Variants in GPC6 observed in about 807,000 individuals in gnomAD.
GPC6 encodes the protein glypican-6.
GPC6 carries 14 observed loss-of-function variants against 55.2 expected under a neutral mutation model. The observed-to-expected ratio is 0.25, with a 90% CI of 0.17 to 0.40. The LOEUF (loss-of-function observed/expected upper bound fraction) is 0.40. Ranked by LOEUF, GPC6 falls within the 10% of genes least tolerant of loss-of-function variation. The pLI, the probability that GPC6 is intolerant of heterozygous loss-of-function variation, is 1.00. For synonymous variants in GPC6, 278 were observed against 259.6 expected (o/e 1.07, Z -0.68); for missense variants, 641 against 708.5 (o/e 0.90, Z 1.08).
At chr13:93,250,199 A>G (rs1876737631) in intron 1 of GPC6, among the ~76,000 whole-genome samples, 1 of 152,198 alleles carries the variant, frequency 6.6e-6, no homozygotes, top group Non-Finnish European at 1.5e-5. Flanking sequence ...TAAAGCTCTT[A>G]GAATAGTATC....
chr13:93,849,325 A>G (rs1888314483), intron 3 of GPC6, among the ~76,000 whole-genome samples: 5 of 152,122 alleles, frequency 3.3e-5, no homozygotes, highest in Admixed American at 3.3e-4. Context: ...GATGTACTAT[A>G]GTTCTTTCTA....
At chr13:93,359,316 T>G (rs138499415) in intron 1 of GPC6, among the ~76,000 whole-genome samples, 1,704 of 152,214 alleles carry the variant, frequency 0.011, 17 homozygotes, top group Non-Finnish European at 0.016. Context: ...TGATTTTTCT[T>G]ATGTCATCAC....
At chr13:93,965,140 G>A (rs1358335169) in intron 3 of GPC6, among the ~76,000 whole-genome samples, 1 of 125,990 alleles carries the variant, frequency 7.9e-6, no homozygotes, top group African/African-American at 3.1e-5. Flanking sequence ...TTTAGCAAGG[G>A]AAGTTTGGTA....
chr13:93,503,197 G>C (rs1228774877), intron 1 of GPC6, among the ~76,000 whole-genome samples: 1 of 152,094 alleles, frequency 6.6e-6, no homozygotes, highest in Non-Finnish European at 1.5e-5. Context: ...TAACAGGAAA[G>C]TTGAGTCTCA....
chr13:93,416,615 G>T (rs1373784020), intron 1 of GPC6, among the ~76,000 whole-genome samples: 1 of 152,076 alleles, frequency 6.6e-6, no homozygotes, highest in Non-Finnish European at 1.5e-5. Context: ...TGACCTGGTT[G>T]TGCTAGCAAA....
intron 5 of GPC6, among the ~76,000 whole-genome samples, chr13:94,290,359 T>A (rs1874888382): frequency 7.0e-6 from 1 of 143,790 alleles, no homozygotes; most frequent in African/African-American, 2.6e-5. Context: ...AGGTCGAGGC[T>A]ACAGTGAGCT....
At chr13:93,737,354 C>G (rs899674253) in intron 2 of GPC6, among the ~76,000 whole-genome samples, 4 of 152,108 alleles carry the variant, frequency 2.6e-5, no homozygotes, top group African/African-American at 9.6e-5. Flanking sequence ...ATTTTTCCTA[C>G]AACTGTGCCA....
chr13:93,649,262 G>A (rs565564402), intron 2 of GPC6, among the ~76,000 whole-genome samples: 1 of 152,264 alleles, frequency 6.6e-6, no homozygotes, highest in East Asian at 1.9e-4. Flanking sequence ...ACAAGCCTGA[G>A]CAACATGGCA....
intron 1 of GPC6, among the ~76,000 whole-genome samples, chr13:93,273,346 T>G (rs975241440): frequency 6.6e-6 from 1 of 152,186 alleles, no homozygotes; most frequent in Non-Finnish European, 1.5e-5. Context: ...AGAACTCGTT[T>G]GCCTAAAAGT....
chr13:94,211,024 T>G (rs1890059017), intron 4 of GPC6, among the ~76,000 whole-genome samples: 1 of 152,184 alleles, frequency 6.6e-6, no homozygotes, highest in Non-Finnish European at 1.5e-5. Flanking sequence ...CTACTGTAGC[T>G]GAAACAGACA....
chr13:93,922,080 G>A (rs1877603595), intron 3 of GPC6, among the ~76,000 whole-genome samples: 1 of 151,978 alleles, frequency 6.6e-6, no homozygotes, highest in Admixed American at 6.6e-5. Context: ...GAGGGATCAA[G>A]AAAAAGAAAA....
At chr13:93,588,184 A>G (rs1877292799) in intron 2 of GPC6, among the ~76,000 whole-genome samples, 1 of 152,246 alleles carries the variant, frequency 6.6e-6, no homozygotes, top group African/African-American at 2.4e-5. Context: ...TTCAGAAAAG[A>G]ATATTTGCTT....
chr13:94,211,442 A>G (rs1488723957), intron 4 of GPC6, among the ~76,000 whole-genome samples: 1 of 152,238 alleles, frequency 6.6e-6, no homozygotes, highest in Non-Finnish European at 1.5e-5. Context: ...CTTTTGTCTC[A>G]TAGCATAGAA....
At chr13:94,036,091 T>C (rs968523113) in intron 4 of GPC6, among the ~76,000 whole-genome samples, 9 of 152,012 alleles carry the variant, frequency 5.9e-5, no homozygotes, top group Non-Finnish European at 8.8e-5. Context: ...TCTTTTCCTT[T>C]TGTTACTCTA....
chr13:93,330,382 A>T (rs1257269701), intron 1 of GPC6, among the ~76,000 whole-genome samples: 2 of 152,056 alleles, frequency 1.3e-5, no homozygotes, highest in African/African-American at 4.8e-5. Context: ...AAAAAGCCAT[A>T]TGTGGTAGTG....
At chr13:93,840,416 G>A (rs543686410) in intron 3 of GPC6, among the ~76,000 whole-genome samples, 213 of 152,196 alleles carry the variant, frequency 1.4e-3, no homozygotes, top group Middle Eastern at 3.4e-3. Flanking sequence ...ACCCTGAACA[G>A]GTTGTGATAT....
chr13:94,361,882 T>C (rs1225102283), intron 6 of GPC6, among the ~76,000 whole-genome samples: 1 of 152,224 alleles, frequency 6.6e-6, no homozygotes, highest in Non-Finnish European at 1.5e-5. Context: ...TTTAAATCCT[T>C]CCTTGATCAA....
At chr13:93,232,427 G>T (rs998736434) in intron 1 of GPC6, among the ~76,000 whole-genome samples, 1 of 152,074 alleles carries the variant, frequency 6.6e-6, no homozygotes, top group Non-Finnish European at 1.5e-5. Flanking sequence ...TAAAAGTTGG[G>T]CTATTAGAAG....
Position 93,830,503 on chromosome 13 carries a change from G to T in GPC6, c.669G>T (p.Gln223His), listed in dbSNP as rs1416469674. Residue 223 changes from glutamine to histidine, a missense_variant, in exon 3 of 9, where the codon CAG becomes CAT. By Grantham distance (24) the Gln-to-His change is conservative. Transcript: ENST00000377047. The stretch of plus-strand genomic sequence containing the variant: ...TCATTGCTGCCAGGACCTTTGTCCA[G>T]GGGCTGACTGTGGGCAGAGAAGTTG... ...RAFIAARTFV[Q>H]GLTVGREVAN... 2.5e-6 allele frequency: 4 copies of T among 1,613,348 alleles called. No individual in the cohort carries two copies. In the South Asian group the frequency reaches 3.3e-5, roughly 13 times the overall value.
Sources: allele counts gnomAD v4.1 joint callset (sites outside exome capture counted in the v4.1 genomes callset), GRCh38; gene constraint gnomAD v4.1.1; transcripts MANE v1.5; gene names NCBI Gene and HGNC (gene_info 2026-07-23, HGNC 2026-07-21).